The following AUTS2 variants were observed in gnomAD, a reference collection of about 807,000 sequenced individuals.
The protein encoded by AUTS2 is autism susceptibility gene 2 protein.
Under a neutral mutation model 112.4 loss-of-function variants are expected in AUTS2, and 17 were observed. That is an observed-to-expected ratio of 0.15 (90% CI 0.10 to 0.23). AUTS2 has a LOEUF of 0.23. Ranked by LOEUF, AUTS2 falls within the 10% of genes least tolerant of loss-of-function variation. The pLI is 1.00. For missense variants in AUTS2, 1,510 were observed against 1,701.6 expected, an observed-to-expected ratio of 0.89 and a Z score of 1.98; for synonymous variants, 751 against 702.7, an observed-to-expected ratio of 1.07 and a Z score of -1.09.
In AUTS2 at chr7:70,151,661, C is replaced by T. The variant is rs755948699; in HGVS notation, c.660+17090C>T. 2.6e-5 allele frequency among the ~76,000 whole-genome samples: 4 copies of T among 151,870 alleles called. No individual in the cohort carries two copies. The South Asian group carries it at 6.2e-4, about 24-fold the overall frequency. On this transcript the variant is annotated intron_variant, in intron 4 of 18. Transcript: ENST00000342771. ...GAGATGGGGTTTCACCATGTTGGCC[C>T]GGCTGGTCTTGAACTCCTGACCTCA...
At chr7:70,300,087 A>G (rs1028850644) in intron 4 of AUTS2, among the ~76,000 whole-genome samples, 6 of 152,190 alleles carry the variant, frequency 3.9e-5, no homozygotes, top group South Asian at 2.1e-4. Flanking sequence ...GTGTATATCA[A>G]GTGTCTTTAG....
At chr7:70,032,369 T>G (rs1234584170) in intron 2 of AUTS2, among the ~76,000 whole-genome samples, 2 of 152,134 alleles carry the variant, frequency 1.3e-5, no homozygotes, top group South Asian at 2.1e-4. Context: ...AAGGGCTTCC[T>G]GGGGACTATT....
intron 1 of AUTS2, among the ~76,000 whole-genome samples, chr7:69,829,523 A>T (rs1791404017): frequency 6.6e-6 from 1 of 152,202 alleles, no homozygotes; most frequent in South Asian, 2.1e-4. Context: ...ATTTACAAGG[A>T]ACTTAAACAA....
intron 4 of AUTS2, among the ~76,000 whole-genome samples, chr7:70,211,394 A>G (rs1188108714): frequency 2.0e-5 from 3 of 151,602 alleles, no homozygotes; most frequent in Non-Finnish European, 1.5e-5. Context: ...TCACGCCTAT[A>G]ATCCCAGCAC....
Position 69,604,510 on chromosome 7 carries a change from T to C in AUTS2, c.309+4548T>C, listed in dbSNP as rs143471445. ...ATATCAACTAAGCGCCATAGGCTTT[T>C]AGAGACAGGCTAGTGAGATAGGCTG... On this transcript the variant is annotated intron_variant, in intron 1 of 18. Coordinates refer to ENST00000342771, the MANE Select transcript of AUTS2 (RefSeq NM_015570.4). 1.7e-4 allele frequency among the ~76,000 whole-genome samples: 26 copies of C among 152,356 alleles called. No homozygotes were observed. In the East Asian group the frequency reaches 4.8e-3, roughly 28 times the overall value.
intron 4 of AUTS2, among the ~76,000 whole-genome samples, chr7:70,342,678 C>G (rs929142260): frequency 6.6e-6 from 1 of 152,078 alleles, no homozygotes; most frequent in Non-Finnish European, 1.5e-5. Flanking sequence ...CCATACTGAA[C>G]AGGGCAGATG....
At chr7:69,750,928 G>C (rs1787712397) in intron 1 of AUTS2, among the ~76,000 whole-genome samples, 1 of 152,012 alleles carries the variant, frequency 6.6e-6, no homozygotes, top group Non-Finnish European at 1.5e-5. Flanking sequence ...TATATTAGTA[G>C]TAAGCCATCA....
intron 2 of AUTS2, among the ~76,000 whole-genome samples, chr7:69,933,625 G>C (rs2129544179): frequency 6.6e-6 from 1 of 152,154 alleles, no homozygotes; most frequent in East Asian, 1.9e-4. Flanking sequence ...AGTGAGTTTT[G>C]CTATCCACTT....
intron 4 of AUTS2, among the ~76,000 whole-genome samples, chr7:70,148,694 G>T (rs1475187908): frequency 6.6e-6 from 1 of 151,580 alleles, no homozygotes; most frequent in Non-Finnish European, 1.5e-5. Flanking sequence ...CTGTTCTACT[G>T]TGTTACTGAA....
At chr7:70,703,054 T>A (rs1238157162) in intron 6 of AUTS2, among the ~76,000 whole-genome samples, 1 of 152,212 alleles carries the variant, frequency 6.6e-6, no homozygotes, top group Admixed American at 6.5e-5. Flanking sequence ...GCGATACTGC[T>A]GGCTTAGTAA....
chr7:70,085,242 G>T (rs75667224), intron 2 of AUTS2, among the ~76,000 whole-genome samples: 1 of 151,908 alleles, frequency 6.6e-6, no homozygotes. Flanking sequence ...AAGGATACAG[G>T]GTTTTCCCTT....
At chr7:70,216,620 A>C (rs1811177145) in intron 4 of AUTS2, among the ~76,000 whole-genome samples, 1 of 152,244 alleles carries the variant, frequency 6.6e-6, no homozygotes, top group South Asian at 2.1e-4. Flanking sequence ...TCAATGACTA[A>C]TGAGAGTTGT....
At chr7:69,700,347 G>A (rs1007772769) in intron 1 of AUTS2, among the ~76,000 whole-genome samples, 2 of 151,530 alleles carry the variant, frequency 1.3e-5, no homozygotes, top group African/African-American at 4.9e-5. Context: ...TTTAAAATAA[G>A]CTATTTTGGA....
At chr7:70,131,361 A>T (rs1255447648) in intron 3 of AUTS2, among the ~76,000 whole-genome samples, 1 of 152,116 alleles carries the variant, frequency 6.6e-6, no homozygotes, top group African/African-American at 2.4e-5. Flanking sequence ...CAGGAGGATC[A>T]CTTGAGCCCA....
chr7:70,252,770 T>G (rs1194761899), intron 4 of AUTS2, among the ~76,000 whole-genome samples: 1 of 152,170 alleles, frequency 6.6e-6, no homozygotes, highest in Non-Finnish European at 1.5e-5. Flanking sequence ...GTAAAAGGTG[T>G]GAAGTAAGCA....
At chr7:70,296,221 G>C (rs1788927745) in intron 4 of AUTS2, among the ~76,000 whole-genome samples, 1 of 152,172 alleles carries the variant, frequency 6.6e-6, no homozygotes. Flanking sequence ...TCAAACATTT[G>C]TGATTTGGAA....
intron 4 of AUTS2, among the ~76,000 whole-genome samples, chr7:70,375,554 A>C (rs770375604): frequency 3.3e-5 from 5 of 152,378 alleles, no homozygotes; most frequent in Middle Eastern, 3.4e-3. Context: ...TTAATAAAGC[A>C]AAGTAAATAT....
At chr7:70,329,924 C>T (rs1790665451) in intron 4 of AUTS2, among the ~76,000 whole-genome samples, 1 of 152,046 alleles carries the variant, frequency 6.6e-6, no homozygotes, top group South Asian at 2.1e-4. Context: ...CGCTCTGTTT[C>T]AAGATTACAC....
At chr7:69,920,956 G>A (rs904422328) in intron 2 of AUTS2, among the ~76,000 whole-genome samples, 17 of 152,112 alleles carry the variant, frequency 1.1e-4, no homozygotes, top group African/African-American at 2.9e-4. Context: ...TGAATGATAC[G>A]TGCTTAATTT....
Sources: gnomAD v4.1 joint callset for allele counts (sites outside exome capture counted in the v4.1 genomes callset) on GRCh38, gnomAD v4.1.1 for gene constraint, MANE v1.5 for transcripts, NCBI Gene and HGNC (gene_info 2026-07-23, HGNC 2026-07-21) for gene names.